The following EFCAB8 variants were observed in gnomAD, a reference collection of about 807,000 sequenced individuals.
EFCAB8 encodes EF-hand calcium binding domain 8.
Under a neutral mutation model 116.3 loss-of-function variants are expected in EFCAB8, and 100 were observed. The observed-to-expected ratio is 0.86, with a 90% CI of 0.73 to 1.02. The LOEUF (loss-of-function observed/expected upper bound fraction) is 1.02, where lower values mean the gene tolerates loss of function less well. EFCAB8 is among the 50% of genes least tolerant of loss of function. EFCAB8 has a pLI of 0.00. For synonymous variants in EFCAB8, 558 were observed against 567.9 expected (o/e 0.98, Z 0.25); for missense variants, 1,320 against 1,416.9 (o/e 0.93, Z 1.10).
chr20:32,890,000 TA>T (rs35488921), intron 7 of EFCAB8, among the ~76,000 whole-genome samples: 61,427 of 113,412 alleles, frequency 0.54, 16,581 homozygotes, highest in Middle Eastern at 0.73. Context: ...GACTCAGTCT[TA>T]AAAAAAAAAA....
chr20:32,895,575 CTT>C (rs35301817), intron 9 of EFCAB8, among the ~76,000 whole-genome samples: 16 of 125,046 alleles, frequency 1.3e-4, no homozygotes, highest in Admixed American at 1.6e-4. Context: ...TTCTTTCTTT[CTT>C]TTTTTTTTTT....
At position 32,961,064 on chromosome 20, in the gene EFCAB8, T is replaced by A. The variant is rs928673342; in HGVS notation, c.3394-72T>A. The A allele has an allele frequency of 5.9e-6, 8 of 1,348,846 alleles. No homozygotes were observed. The African/African-American group carries it at 1.2e-4, about 20-fold the overall frequency. The allele number at this position is 1,348,846 out of a possible 1,614,324, so 83.6% of individuals were successfully genotyped here. A position where few individuals can be genotyped will look rare whatever the true frequency, so the allele number is the denominator to read the frequency against. Reference sequence around the variant, plus strand: ...CCTCAGGGCGCCTCCTTCCTGTGAGTCTACTCTTGATCCTGGGTGTCCCCG... The same window carrying A: ...CCTCAGGGCGCCTCCTTCCTGTGAGACTACTCTTGATCCTGGGTGTCCCCG... On this transcript the variant is annotated intron_variant, in intron 26 of 26. Coordinates refer to ENST00000400522, the MANE Select transcript of EFCAB8 (RefSeq NM_001143967.2).
At chr20:32,927,634 C>T (rs771349406) in intron 20 of EFCAB8, among the ~76,000 whole-genome samples, 35 of 152,184 alleles carry the variant, frequency 2.3e-4, no homozygotes, top group Non-Finnish European at 4.7e-4. Context: ...CGAGAGCCAC[C>T]ATGCCTGGCC....
At chr20:32,901,693 T>C (rs1294211114) in intron 11 of EFCAB8, among the ~76,000 whole-genome samples, 1 of 152,236 alleles carries the variant, frequency 6.6e-6, no homozygotes, top group East Asian at 1.9e-4. Flanking sequence ...ACTGATTGAT[T>C]GATTGATTGA....
At position 32,867,586 on chromosome 20, in the gene EFCAB8, CCATCCCA is replaced by C. The variant is rs1352005774; in HGVS notation, c.51_57del (p.Ile17MetfsTer39). On this transcript the variant is annotated frameshift_variant, in exon 3 of 27. Transcript: ENST00000400522. LOFTEE classifies it high-confidence loss of function. Reference sequence around the variant, plus strand: ...TTCTTGTTATATTCGTTCCAGCTGTCCATCCCACATGGCTTCCAGAACAAGGAGGCTG... The same window carrying C: ...TTCTTGTTATATTCGTTCCAGCTGTCCATGGCTTCCAGAACAAGGAGGCTG... 1 of 1,551,334 alleles carries C rather than the reference CCATCCCA, an allele frequency of 6.4e-7. No homozygotes were observed. The highest frequency in any genetic ancestry group is 8.7e-7 in the Non-Finnish European group (1 of 1,146,908).
chr20:32,873,099 G>GCAAAA (rs1169841811), intron 3 of EFCAB8, among the ~76,000 whole-genome samples: 2 of 151,828 alleles, frequency 1.3e-5, no homozygotes, highest in African/African-American at 2.4e-5. Flanking sequence ...ATCTCAAAGA[G>GCAAAA]CAAAACAAAA....
chr20:32,859,956 C>T (rs1984019339), intron 1 of EFCAB8, among the ~76,000 whole-genome samples: 1 of 152,192 alleles, frequency 6.6e-6, no homozygotes, highest in Non-Finnish European at 1.5e-5. Context: ...GTTGTTGGGT[C>T]TCTTGAGTCA....
intron 5 of EFCAB8, among the ~76,000 whole-genome samples, chr20:32,883,406 A>G (rs1365639306): frequency 2.0e-5 from 3 of 152,160 alleles, no homozygotes; most frequent in African/African-American, 4.8e-5. Flanking sequence ...TATCCAGTGG[A>G]GAATTTGTCC....
chr20:32,947,341 G>A (rs1404346944), intron 23 of EFCAB8, among the ~76,000 whole-genome samples: 1 of 152,070 alleles, frequency 6.6e-6, no homozygotes, highest in Non-Finnish European at 1.5e-5. Flanking sequence ...TAGAATACTT[G>A]AATAACACTA....
intron 17 of EFCAB8, among the ~76,000 whole-genome samples, chr20:32,914,855 A>AT (rs982972537): frequency 6.6e-6 from 1 of 152,058 alleles, no homozygotes; most frequent in Non-Finnish European, 1.5e-5. Flanking sequence ...AGCCTTTCTC[A>AT]TTCCTTTCTA....
chr20:32,896,556 C>A, intron 10 of EFCAB8, 29 bp downstream of exon 10: 1 of 718,172 alleles, frequency 1.4e-6, no homozygotes, highest in East Asian at 2.7e-5. Flanking sequence ...TGGCCTGTTA[C>A]AATGGTAATT....
At chr20:32,877,602 C>G (rs564593602) in intron 4 of EFCAB8, among the ~76,000 whole-genome samples, 1 of 152,242 alleles carries the variant, frequency 6.6e-6, no homozygotes. Flanking sequence ...TTAACCCCCT[C>G]GCATTCCTAG....
chr20:32,864,488 G>A (rs565981524), intron 2 of EFCAB8, among the ~76,000 whole-genome samples: 21 of 152,208 alleles, frequency 1.4e-4, no homozygotes, highest in African/African-American at 5.1e-4. Flanking sequence ...AGGCTGAGGT[G>A]GGGGGATTGC....
chr20:32,892,197 T>C lies in EFCAB8; in HGVS notation c.674-16T>C. On this transcript the variant is annotated splice_polypyrimidine_tract_variant and intron_variant, in intron 7 of 26. Coordinates refer to ENST00000400522, the MANE Select transcript of EFCAB8 (RefSeq NM_001143967.2). Reference sequence around the variant, plus strand: ...CATGGCTGTGGGCTCTATGTGGCCTTCTGTCTTTCCCCCAGATTTCTTTGA... The same window carrying C: ...CATGGCTGTGGGCTCTATGTGGCCTCCTGTCTTTCCCCCAGATTTCTTTGA... 2.6e-6 allele frequency: 4 copies of C among 1,551,072 alleles called. No homozygotes were observed. The highest frequency in any genetic ancestry group is 3.5e-6 in the Non-Finnish European group (4 of 1,146,440).
In EFCAB8 at chr20:32,946,766, A is replaced by C. The variant is rs7271178; in HGVS notation, c.2959+2962A>C. 5.7e-3 allele frequency among the ~76,000 whole-genome samples: 872 copies of C among 152,298 alleles called. 9 individuals are homozygous for C. The highest frequency in any genetic ancestry group is 0.02 in the African/African-American group (827 of 41,572). ...AATCAAGACATAGACATTACCCCAAAAAGTGACCTCATGTCTCCTCATAGT... is the reference window on the plus strand; with the variant it reads ...AATCAAGACATAGACATTACCCCAACAAGTGACCTCATGTCTCCTCATAGT... On this transcript the variant is annotated intron_variant, in intron 23 of 26. Coordinates refer to ENST00000400522, the MANE Select transcript of EFCAB8 (RefSeq NM_001143967.2).
intron 5 of EFCAB8, among the ~76,000 whole-genome samples, chr20:32,885,200 C>T (rs1324064072): frequency 1.3e-5 from 2 of 152,184 alleles, no homozygotes; most frequent in Non-Finnish European, 2.9e-5. Context: ...CTCCTCTGTC[C>T]CATCACGTCG....
At chr20:32,935,491 C>A (rs188339536) in intron 22 of EFCAB8, among the ~76,000 whole-genome samples, 2 of 149,432 alleles carry the variant, frequency 1.3e-5, no homozygotes, top group African/African-American at 4.9e-5. Flanking sequence ...TGAGCCACTG[C>A]ACCTGGCCAC....
chr20:32,960,013 T>G (rs1600475828), intron 25 of EFCAB8, 31 bp downstream of exon 25: 1 of 1,550,590 alleles, frequency 6.4e-7, no homozygotes, highest in Non-Finnish European at 8.7e-7. Context: ...CAGGGAGGAG[T>G]GCAGGGACCC....
At chr20:32,924,962 G>C (rs1396389762) in intron 20 of EFCAB8, among the ~76,000 whole-genome samples, 1 of 152,096 alleles carries the variant, frequency 6.6e-6, no homozygotes, top group Non-Finnish European at 1.5e-5. Flanking sequence ...TTTTAGGGTG[G>C]TGCCCTGGAG....
Sources: allele counts gnomAD v4.1 joint callset (sites outside exome capture counted in the v4.1 genomes callset), GRCh38; gene constraint gnomAD v4.1.1; transcripts MANE v1.5; gene names NCBI Gene and HGNC (gene_info 2026-07-23, HGNC 2026-07-21).